SDK2: variants seen among roughly 807,000 people sequenced by gnomAD.
The protein encoded by SDK2 is protein sidekick-2.
SDK2 carries 105 observed loss-of-function variants against 253.9 expected under a neutral mutation model. That is an observed-to-expected ratio of 0.41 (90% confidence interval 0.35 to 0.49). The LOEUF is 0.49. Among genes scored for constraint, SDK2 ranks in the 20% least tolerant of loss-of-function variants. SDK2 has a pLI of 0.06. For synonymous variants in SDK2, 1,249 were observed against 1,234.9 expected, an observed-to-expected ratio of 1.01 and a Z score of -0.24; for missense variants, 2,608 against 3,003.0, an observed-to-expected ratio of 0.87 and a Z score of 3.07.
At chr17:73,604,612 G>T (rs931165779) in intron 1 of SDK2, among the ~76,000 whole-genome samples, 1 of 152,232 alleles carries the variant, frequency 6.6e-6, no homozygotes, top group African/African-American at 2.4e-5. Flanking sequence ...CAACAGTCCA[G>T]GAGACCTTGG....
chr17:73,386,031 C>T (rs544231719), intron 31 of SDK2, 114 bp from the exon 32 acceptor site: 39 of 697,086 alleles, frequency 5.6e-5, no homozygotes, highest in African/African-American at 5.1e-4. Context: ...CAGATCGCAT[C>T]GCCCTCCATG....
In SDK2 at chr17:73,494,209, C is replaced by A. The variant is rs577541311; in HGVS notation, c.224+13229G>T. Among the ~76,000 whole-genome samples the A allele has an allele frequency of 2.9e-4, 44 of 152,328 alleles. No individual in the cohort carries two copies. In the South Asian group the frequency reaches 6.2e-3, roughly 22 times the overall value. ...AGATCCAAGCAGCACTGCACGGAGA[C>A]TCAGGGGGCCTGGGTCTGAATTTTA... On this transcript the variant is annotated intron_variant, in intron 2 of 44. Coordinates refer to ENST00000392650, the MANE Select transcript of SDK2 (RefSeq NM_001144952.2).
At chr17:73,402,538 T>C (rs1379210170) in intron 18 of SDK2, among the ~76,000 whole-genome samples, 1 of 152,230 alleles carries the variant, frequency 6.6e-6, no homozygotes, top group Non-Finnish European at 1.5e-5. Context: ...AGCATTTAAC[T>C]AAGTGTGGGG....
chr17:73,352,654 A>G lies in SDK2; in HGVS notation c.5594-17T>C, dbSNP rs2062549677. 3 of 1,612,506 alleles carry G rather than the reference A, an allele frequency of 1.9e-6. No homozygotes were observed. Among genetic ancestry groups the G allele is most frequent in the Non-Finnish European group, 2.5e-6 (3 of 1,178,686 alleles). On this transcript the variant is annotated splice_polypyrimidine_tract_variant and intron_variant, in intron 40 of 44. Coordinates refer to ENST00000392650, the MANE Select transcript of SDK2 (RefSeq NM_001144952.2). This position sits in a 1 kb window ranked among gnomAD's most constrained non-coding sequence, Gnocchi z 4.1. ...GTCCCTCGTCTGCAGGAGCACAGAG[A>G]TGGAGGCCCTGGGAGGTGAGGGGAA...
chr17:73,627,820 T>TGC (rs1361583360), intron 1 of SDK2, among the ~76,000 whole-genome samples: 2 of 152,032 alleles, frequency 1.3e-5, no homozygotes, highest in African/African-American at 4.8e-5. Flanking sequence ...AGGCCGAGAT[T>TGC]GGGCGGATCA....
At chr17:73,519,420 T>TTGACCTCACCACCCCCAGACGGGGCC (rs1430644824) in intron 1 of SDK2, 4 of 152,306 alleles carry the variant, frequency 2.6e-5, no homozygotes, top group Non-Finnish European at 4.4e-5. Flanking sequence ...CCTTAGGGGC[T>TTGACCTCACCACCCCCAGACGGGGCC]TGACCTCACC....
rs1402269253 is a variant in SDK2, at chr17:73,643,630, G to T, written c.64+395C>A. On this transcript the variant is annotated intron_variant, in intron 1 of 44. Transcript: ENST00000392650. The surrounding 1 kb of genome is among the most constrained non-coding windows in gnomAD (Gnocchi z 6.9). Reference sequence around the variant, plus strand: ...GGCCCTGCCCTTCCCCGCAGACACCGAGCAGGGAACCAGGAGCTCGGTCTG... The same window carrying T: ...GGCCCTGCCCTTCCCCGCAGACACCTAGCAGGGAACCAGGAGCTCGGTCTG... Among the ~76,000 whole-genome samples the T allele has an allele frequency of 6.6e-6, 1 of 152,050 alleles. No homozygotes were observed.
intron 1 of SDK2, among the ~76,000 whole-genome samples, chr17:73,578,422 G>A (rs946591027): frequency 6.6e-6 from 1 of 152,170 alleles, no homozygotes; most frequent in Non-Finnish European, 1.5e-5. Context: ...CTCCCAAACT[G>A]TAAGATAACA....
intron 36 of SDK2, among the ~76,000 whole-genome samples, chr17:73,378,971 T>C (rs1322612800): frequency 6.6e-6 from 1 of 152,142 alleles, no homozygotes. Context: ...ATGGATGTGG[T>C]TCAGCTTCAG....
intron 18 of SDK2, among the ~76,000 whole-genome samples, chr17:73,404,035 A>AT (rs1158320722): frequency 6.6e-6 from 1 of 151,960 alleles, no homozygotes; most frequent in East Asian, 1.9e-4. Flanking sequence ...AAGCTCTACC[A>AT]TTTTTTTTAA....
intron 15 of SDK2, 28 bp from the exon 16 acceptor site, chr17:73,419,334 G>T: frequency 6.2e-7 from 1 of 1,604,582 alleles, no homozygotes. Flanking sequence ...AATGCTCTTA[G>T]TCTTGGGGTC....
chr17:73,422,014 G>T (rs1194032950), intron 15 of SDK2, among the ~76,000 whole-genome samples: 2 of 152,166 alleles, frequency 1.3e-5, no homozygotes, highest in African/African-American at 4.8e-5. Context: ...AGTGGAAGGA[G>T]GTGAGCCTTT....
At chr17:73,542,800 T>C (rs1413657296) in intron 1 of SDK2, among the ~76,000 whole-genome samples, 1 of 152,108 alleles carries the variant, frequency 6.6e-6, no homozygotes, top group Non-Finnish European at 1.5e-5. Context: ...TTGGTGGCCC[T>C]CTTTAAGAAC....
intron 40 of SDK2, among the ~76,000 whole-genome samples, chr17:73,356,193 G>A (rs1431714440): frequency 6.6e-6 from 1 of 152,218 alleles, no homozygotes; most frequent in African/African-American, 2.4e-5. Flanking sequence ...AACGCAGTCA[G>A]GTGTTGGACC....
Position 73,348,714 on chromosome 17 carries a change from C to T in SDK2, c.6050G>A (p.Arg2017Lys). The T allele has an allele frequency of 6.2e-7, 1 of 1,607,898 alleles. No homozygotes were observed. ...KNGLYTRSPP[R>K]PSPGSLHYSD... ...GTAGTGCAGGCTGCCTGGGCTGGGC[C>T]TGGGGGGAGACCTGGAGAGAGCGGG... The change falls in exon 44 of 45, where the codon AGG becomes AAG. Residue 2017 changes from arginine (R) to lysine (K), a missense_variant. By Grantham distance (26) the Arg-to-Lys change is conservative. Transcript: ENST00000392650.
chr17:73,379,748 A>G lies in SDK2; in HGVS notation c.4763-199T>C, dbSNP rs1271242719. On this transcript the variant is annotated intron_variant, in intron 34 of 44. Transcript: ENST00000392650. The surrounding 1 kb of genome is among the most constrained non-coding windows in gnomAD (Gnocchi z 4.5). ...TCTGTGCCAATCTGGACATAGGGCA[A>G]TGCTGGTTGGCCTCTTGGCCTAGGG... 6.6e-6 allele frequency among the ~76,000 whole-genome samples: 1 copy of G among 152,120 alleles called. No homozygotes were observed. The highest frequency in any genetic ancestry group is 1.5e-5 in the Non-Finnish European group (1 of 68,000).
In SDK2 at chr17:73,352,006, T is replaced by A. The variant is rs1568361790; in HGVS notation, c.5758+467A>T. ...TCCAAGACATGCCAGATAGGAAGAA[T>A]GAGGGGAGGAAAATGGGAGGGGTGG... On this transcript the variant is annotated intron_variant, in intron 41 of 44. Transcript: ENST00000392650. The surrounding 1 kb of genome is among the most constrained non-coding windows in gnomAD (Gnocchi z 4.1). 6.6e-6 allele frequency among the ~76,000 whole-genome samples: 1 copy of A among 151,764 alleles called. No individual in the cohort carries two copies. Among genetic ancestry groups the A allele is most frequent in the South Asian group, 2.1e-4 (1 of 4,810 alleles).
chr17:73,423,291 A>G, intron 14 of SDK2, 95 bp downstream of exon 14: 1 of 1,210,756 alleles, frequency 8.3e-7, no homozygotes, highest in Non-Finnish European at 1.1e-6. Flanking sequence ...AAAGGCCCAG[A>G]ACTAGGAAGC....
intron 1 of SDK2, among the ~76,000 whole-genome samples, chr17:73,561,249 C>T (rs67747957): frequency 0.032 from 4,885 of 152,258 alleles, 91 homozygotes; most frequent in Non-Finnish European, 0.048. Flanking sequence ...TTGGTAGGGC[C>T]GATGCCTTCC....
Sources: allele counts gnomAD v4.1 joint callset (sites outside exome capture counted in the v4.1 genomes callset), GRCh38; gene constraint gnomAD v4.1.1; non-coding constraint Gnocchi (gnomAD v3.1); transcripts MANE v1.5; gene names NCBI Gene and HGNC (gene_info 2026-07-23, HGNC 2026-07-21).